TSHZ2: variants seen among roughly 807,000 people sequenced by gnomAD.
The protein encoded by TSHZ2 is teashirt homolog 2.
In TSHZ2, 21 loss-of-function variants were observed where a neutral mutation model predicts 74.4. The ratio of observed to expected loss-of-function variants is 0.28; its 90% CI spans 0.20 to 0.41. TSHZ2 has a LOEUF of 0.41. Ranked by LOEUF, TSHZ2 falls within the 10% of genes least tolerant of loss-of-function variation. The pLI is 1.00. For synonymous variants in TSHZ2, 540 were observed against 515.3 expected (o/e 1.05, Z -0.65); for missense variants, 1,244 against 1,293.5 (o/e 0.96, Z 0.59).
In TSHZ2 at chr20:53,255,142, T is replaced by A. The variant is rs1320477553; in HGVS notation, c.1684T>A (p.Ser562Thr). ...EGTKPPLPMG[S>T]QVLQIRPNLT... Reference sequence around the variant, plus strand: ...CACCAAGCCGCCTTTGCCTATGGGATCCCAGGTACTGCAGATCCGGCCTAA... The same window carrying A: ...CACCAAGCCGCCTTTGCCTATGGGAACCCAGGTACTGCAGATCCGGCCTAA... Residue 562 changes from serine (S) to threonine (T), a missense_variant, in exon 2 of 3, where the codon TCC becomes ACC. By Grantham distance (58) the Ser-to-Thr change is moderately conservative. Around this residue, in one of 6 missense-constraint regions of TSHZ2, gnomAD observed 562 missense variants for 544.0 expected, o/e 1.03. Coordinates refer to ENST00000371497, the MANE Select transcript of TSHZ2 (RefSeq NM_173485.6). The surrounding 1 kb of genome is among the most constrained non-coding windows in gnomAD (Gnocchi z 4.1). 1.9e-6 allele frequency: 3 copies of A among 1,614,018 alleles called. No homozygotes were observed. The highest frequency in any genetic ancestry group is 2.5e-6 in the Non-Finnish European group (3 of 1,180,034).
intron 1 of TSHZ2, among the ~76,000 whole-genome samples, chr20:53,002,969 C>T (rs1415875049): frequency 1.3e-5 from 2 of 152,160 alleles, no homozygotes; most frequent in African/African-American, 4.8e-5. Flanking sequence ...GGGATTCCTT[C>T]CCAGTTGCTA....
chr20:53,172,514 G>C (rs1988226527), intron 1 of TSHZ2, among the ~76,000 whole-genome samples: 1 of 152,108 alleles, frequency 6.6e-6, no homozygotes, highest in African/African-American at 2.4e-5. Context: ...AGAAATAAGA[G>C]AGAAAAGAAA....
intron 1 of TSHZ2, among the ~76,000 whole-genome samples, chr20:53,195,826 C>CTT (rs1417637823): frequency 6.6e-6 from 1 of 152,180 alleles, no homozygotes; most frequent in Non-Finnish European, 1.5e-5. Flanking sequence ...CGGAGCAGCC[C>CTT]TTCTCTCTTC....
At chr20:53,154,026 C>T (rs1987735370) in intron 1 of TSHZ2, among the ~76,000 whole-genome samples, 1 of 152,194 alleles carries the variant, frequency 6.6e-6, no homozygotes, top group Non-Finnish European at 1.5e-5. Flanking sequence ...TATTGCATTC[C>T]ATTGGACAAA....
intron 2 of TSHZ2, among the ~76,000 whole-genome samples, chr20:53,474,170 C>T (rs1370744626): frequency 1.3e-5 from 2 of 148,850 alleles, no homozygotes; most frequent in African/African-American, 2.5e-5. Flanking sequence ...CACAAAGATA[C>T]TCCTCGAGAA....
chr20:53,185,398 G>A lies in TSHZ2; in HGVS notation c.41-68101G>A, dbSNP rs1988576214. On this transcript the variant is annotated intron_variant, in intron 1 of 2. Coordinates refer to ENST00000371497, the MANE Select transcript of TSHZ2 (RefSeq NM_173485.6). The stretch of plus-strand genomic sequence containing the variant: ...CTCTGACTTAAGATGATGGTGGCCA[G>A]GCGAGGTGGTTCAAGCCTGTGATTC... The A allele has an allele frequency of 4.8e-6, 6 of 1,254,900 alleles. 1 individual carries two copies. In the South Asian group the frequency reaches 1.4e-4, roughly 29 times the overall value. The allele number at this position is 1,254,900 out of a possible 1,614,324, so 77.7% of individuals were successfully genotyped here.
chr20:53,135,776 A>G (rs1379667768), intron 1 of TSHZ2, among the ~76,000 whole-genome samples: 2 of 144,964 alleles, frequency 1.4e-5, no homozygotes, highest in Admixed American at 1.4e-4. Flanking sequence ...CTAATGTTTT[A>G]TTTTTTTTTT....
chr20:53,137,934 A>C (rs1256313236), intron 1 of TSHZ2, among the ~76,000 whole-genome samples: 1 of 152,178 alleles, frequency 6.6e-6, no homozygotes, highest in Non-Finnish European at 1.5e-5. Flanking sequence ...AAATCTAATA[A>C]AGTGTATTTT....
chr20:53,201,300 A>C (rs947259456), intron 1 of TSHZ2, among the ~76,000 whole-genome samples: 1 of 152,214 alleles, frequency 6.6e-6, no homozygotes, highest in African/African-American at 2.4e-5. Context: ...CTGGGCTAAA[A>C]TGGATGTGTC....
intron 2 of TSHZ2, among the ~76,000 whole-genome samples, chr20:53,425,478 T>A (rs979695591): frequency 7.2e-5 from 11 of 152,192 alleles, no homozygotes; most frequent in Admixed American, 1.3e-4. Flanking sequence ...AAAATTTACA[T>A]CTGAAAAATT....
chr20:53,061,942 G>A (rs1031616108), intron 1 of TSHZ2, among the ~76,000 whole-genome samples: 1 of 152,102 alleles, frequency 6.6e-6, no homozygotes, highest in African/African-American at 2.4e-5. Context: ...ATTATAGATT[G>A]CATCATTTTT....
chr20:53,097,386 G>A (rs1464028937), intron 1 of TSHZ2, among the ~76,000 whole-genome samples: 2 of 151,666 alleles, frequency 1.3e-5, no homozygotes, highest in Non-Finnish European at 3.0e-5. Flanking sequence ...CCAGATGACT[G>A]TTATTAGCAA....
At chr20:53,281,567 G>T (rs1991061689) in intron 2 of TSHZ2, among the ~76,000 whole-genome samples, 1 of 152,226 alleles carries the variant, frequency 6.6e-6, no homozygotes, top group African/African-American at 2.4e-5. Context: ...TGGAGGGCCA[G>T]ATTTGGCCCA....
chr20:53,260,231 A>G (rs141634070), intron 2 of TSHZ2, among the ~76,000 whole-genome samples: 2 of 152,372 alleles, frequency 1.3e-5, no homozygotes, highest in East Asian at 3.8e-4. Flanking sequence ...CAAGCCTTGC[A>G]GCAAGCACTT....
At chr20:53,365,572 G>A (rs940115420) in intron 2 of TSHZ2, among the ~76,000 whole-genome samples, 12 of 152,318 alleles carry the variant, frequency 7.9e-5, no homozygotes, top group Admixed American at 7.2e-4. Flanking sequence ...ACGCTAAGAG[G>A]TGACCAGCTA....
intron 2 of TSHZ2, among the ~76,000 whole-genome samples, chr20:53,486,668 C>T (rs1986296999): frequency 6.6e-6 from 1 of 152,178 alleles, no homozygotes; most frequent in African/African-American, 2.4e-5. Context: ...CAAAGCGAGA[C>T]TCTGTCTCAA....
intron 1 of TSHZ2, among the ~76,000 whole-genome samples, chr20:52,992,817 T>C (rs1982043223): frequency 6.6e-6 from 1 of 152,222 alleles, no homozygotes; most frequent in Non-Finnish European, 1.5e-5. Context: ...CTTTGAGGAA[T>C]TATTTACTGG....
At chr20:53,295,848 T>A (rs914845673) in intron 2 of TSHZ2, among the ~76,000 whole-genome samples, 2 of 152,186 alleles carry the variant, frequency 1.3e-5, no homozygotes, top group African/African-American at 4.8e-5. Context: ...TTTTCTTTTT[T>A]GGAGCATAGA....
intron 1 of TSHZ2, among the ~76,000 whole-genome samples, chr20:53,012,993 T>C (rs1982909386): frequency 6.6e-6 from 1 of 152,226 alleles, no homozygotes; most frequent in Non-Finnish European, 1.5e-5. Flanking sequence ...AGTTGATAAC[T>C]ATCCCTTTAT....
Sources: allele counts gnomAD v4.1 joint callset (sites outside exome capture counted in the v4.1 genomes callset), GRCh38; gene constraint gnomAD v4.1.1; regional missense constraint gnomAD v4.1.1; non-coding constraint Gnocchi (gnomAD v3.1); transcripts MANE v1.5; gene names NCBI Gene and HGNC (gene_info 2026-07-23, HGNC 2026-07-21).